The following CPA6 variants were observed in gnomAD, a reference collection of about 807,000 sequenced individuals.
The protein encoded by CPA6 is carboxypeptidase B.
Under a neutral mutation model 63.3 loss-of-function variants are expected in CPA6, and 58 were observed. The observed-to-expected ratio is 0.92, with a 90% CI of 0.74 to 1.14. The LOEUF (loss-of-function observed/expected upper bound fraction) is 1.14, where lower values mean the gene tolerates loss of function less well. CPA6 is among the 50% of genes most tolerant of loss of function. CPA6 has a pLI of 0.00. For missense variants in CPA6, 565 were observed against 526.6 expected, an observed-to-expected ratio of 1.07 and a Z score of -0.71; for synonymous variants, 185 against 179.0, an observed-to-expected ratio of 1.03 and a Z score of -0.27.
intron 1 of CPA6, among the ~76,000 whole-genome samples, chr8:67,634,148 T>C (rs10099299): frequency 0.26 from 39,024 of 148,714 alleles, 5,647 homozygotes; most frequent in South Asian, 0.33. Flanking sequence ...TATTTCATTT[T>C]TTTCATTCCT....
chr8:67,580,068 A>G (rs1014721434), intron 2 of CPA6, among the ~76,000 whole-genome samples: 14 of 152,152 alleles, frequency 9.2e-5, no homozygotes, highest in African/African-American at 3.4e-4. Context: ...ACCTTCCTCC[A>G]CTTACCCAGA....
intron 9 of CPA6, among the ~76,000 whole-genome samples, chr8:67,430,211 C>T (rs1442452675): frequency 2.2e-5 from 3 of 135,006 alleles, no homozygotes; most frequent in African/African-American, 8.5e-5. Context: ...CAGAGTTTTG[C>T]TCTTGTCGCC....
At chr8:67,713,083 A>ATG (rs368243285) in intron 1 of CPA6, among the ~76,000 whole-genome samples, 1,013 of 75,706 alleles carry the variant, frequency 0.013, 25 homozygotes, top group African/African-American at 0.025. Context: ...CTGTGTGTGT[A>ATG]TGTGTGTGTG....
At chr8:67,681,161 G>A (rs1404959728) in intron 1 of CPA6, among the ~76,000 whole-genome samples, 3 of 142,334 alleles carry the variant, frequency 2.1e-5, no homozygotes, top group African/African-American at 8.1e-5. Flanking sequence ...GGTGTCATAT[G>A]TAAGAAATCT....
At chr8:67,576,004 G>C in intron 2 of CPA6, among the ~76,000 whole-genome samples, 1 of 152,188 alleles carries the variant, frequency 6.6e-6, no homozygotes, top group East Asian at 1.9e-4. Flanking sequence ...CATGGGAACT[G>C]AGAGTAGAAT....
chr8:67,688,192 A>C (rs1484746024), intron 1 of CPA6, among the ~76,000 whole-genome samples: 1 of 152,078 alleles, frequency 6.6e-6, no homozygotes, highest in Admixed American at 6.5e-5. Context: ...AAAACCAAAA[A>C]ACAAAAAATC....
At chr8:67,643,889 C>G (rs582424) in intron 1 of CPA6, among the ~76,000 whole-genome samples, 57,511 of 151,820 alleles carry the variant, frequency 0.38, 11,255 homozygotes, top group South Asian at 0.48. Flanking sequence ...TCTGAGGTAG[C>G]GATGTCTATA....
intron 1 of CPA6, among the ~76,000 whole-genome samples, chr8:67,732,194 G>A (rs1358702459): frequency 6.6e-6 from 1 of 152,208 alleles, no homozygotes; most frequent in African/African-American, 2.4e-5. Context: ...GAAATCAGCA[G>A]GAGAGTGGGA....
intron 1 of CPA6, among the ~76,000 whole-genome samples, chr8:67,717,467 A>T (rs1178449109): frequency 6.6e-6 from 1 of 152,220 alleles, no homozygotes; most frequent in East Asian, 1.9e-4. Flanking sequence ...AAATTCTTCA[A>T]AAACATACAT....
chr8:67,551,699 C>T (rs754100972), intron 2 of CPA6, among the ~76,000 whole-genome samples: 43 of 152,114 alleles, frequency 2.8e-4, no homozygotes, highest in Non-Finnish European at 5.6e-4. Context: ...GATTTCTTTT[C>T]GCAGTGTTTT....
chr8:67,483,733 C>A (rs752714986), intron 8 of CPA6, 35 bp downstream of exon 8: 1 of 1,568,810 alleles, frequency 6.4e-7, no homozygotes, highest in East Asian at 2.2e-5. Context: ...CTGCAGAAAC[C>A]TTTGGATCTG....
intron 1 of CPA6, among the ~76,000 whole-genome samples, chr8:67,660,132 A>G (rs776708832): frequency 6.6e-6 from 1 of 152,078 alleles, no homozygotes; most frequent in Non-Finnish European, 1.5e-5. Context: ...AGTGTAGCAT[A>G]ATGGAAAGGC....
intron 2 of CPA6, among the ~76,000 whole-genome samples, chr8:67,554,714 G>A (rs1813021630): frequency 6.6e-6 from 1 of 152,202 alleles, no homozygotes; most frequent in African/African-American, 2.4e-5. Context: ...GGCTGTTGGT[G>A]TGAGTCACAA....
At chr8:67,628,161 C>A (rs1484256982) in intron 1 of CPA6, among the ~76,000 whole-genome samples, 3 of 151,656 alleles carry the variant, frequency 2.0e-5, no homozygotes, top group Non-Finnish European at 4.4e-5. Context: ...TGCAGTGAGC[C>A]GAGATTGAGC....
At chr8:67,481,463 C>T (rs562392076) in intron 8 of CPA6, among the ~76,000 whole-genome samples, 5 of 152,200 alleles carry the variant, frequency 3.3e-5, no homozygotes, top group Non-Finnish European at 7.3e-5. Flanking sequence ...AAAAAGTATG[C>T]CTGTCTGTAC....
chr8:67,519,909 GTTTCTT>G (rs982682427), intron 2 of CPA6, among the ~76,000 whole-genome samples: 6 of 152,184 alleles, frequency 3.9e-5, no homozygotes, highest in Admixed American at 6.5e-5. Context: ...TTGCAGCATA[GTTTCTT>G]TTTCTATTTT....
intron 8 of CPA6, among the ~76,000 whole-genome samples, chr8:67,464,203 C>A (rs957014929): frequency 6.6e-6 from 1 of 152,082 alleles, no homozygotes. Flanking sequence ...TTTTAATAGC[C>A]ATTTTGATTG....
intron 2 of CPA6, among the ~76,000 whole-genome samples, chr8:67,545,580 T>TTTTTTTTTTTTTTTTTTTTTG (rs750417027): frequency 8.0e-6 from 1 of 125,634 alleles, no homozygotes; most frequent in Admixed American, 9.5e-5. Context: ...TTTTTTTTTT[T>TTTTTTTTTTTTTTTTTTTTTG]TTTTGAGATG....
intron 8 of CPA6, among the ~76,000 whole-genome samples, chr8:67,477,733 G>C (rs1393899): frequency 0.38 from 57,589 of 152,014 alleles, 11,208 homozygotes; most frequent in African/African-American, 0.48. Flanking sequence ...CTGGATCAGA[G>C]CTTGTCTATT....
Sources: gnomAD v4.1 joint callset for allele counts (sites outside exome capture counted in the v4.1 genomes callset) on GRCh38, gnomAD v4.1.1 for gene constraint, MANE v1.5 for transcripts, NCBI Gene and HGNC (gene_info 2026-07-23, HGNC 2026-07-21) for gene names.